The following EPB41L1 variants were observed in gnomAD, a reference collection of about 807,000 sequenced individuals.
EPB41L1 encodes the protein erythrocyte membrane protein band 4.1 like 1.
In EPB41L1, 29 loss-of-function variants were observed where a neutral mutation model predicts 97.8. The observed-to-expected ratio is 0.30, with a 90% confidence interval of 0.22 to 0.40. The LOEUF is 0.40. Among genes scored for constraint, EPB41L1 ranks in the 10% least tolerant of loss-of-function variants. The pLI is 1.00. For missense variants in EPB41L1, 812 were observed against 1,162.3 expected (o/e 0.70, Z 4.38); for synonymous variants, 383 against 459.2 (o/e 0.83, Z 2.12).
Position 36,133,782 on chromosome 20 carries a change from A to G in EPB41L1, c.-10+21302A>G, listed in dbSNP as rs184200341. 6.0e-5 allele frequency among the ~76,000 whole-genome samples: 9 copies of G among 150,778 alleles called. No homozygotes were observed. In the East Asian group the frequency reaches 1.8e-3, roughly 30 times the overall value. On this transcript the variant is annotated intron_variant, in intron 2 of 19. Coordinates refer to the EPB41L1 transcript ENST00000202028. The stretch of plus-strand genomic sequence containing the variant: ...TGAGGCGGGAGGATCGCTTGAGCCT[A>G]GGAGGTTGAGGCTTGCAGTGAGCCG...
chr20:36,214,379 T>C lies in EPB41L1; in HGVS notation c.2207T>C (p.Val736Ala), dbSNP rs766068292. 8.1e-6 allele frequency: 13 copies of C among 1,613,886 alleles called. No individual in the cohort carries two copies. Among genetic ancestry groups the C allele is most frequent in the Non-Finnish European group, 1.1e-5 (13 of 1,179,958 alleles). ...CAGCAGGTTGATGGGAGTGCCTCAG[T>C]GGGGAGGGAGTTCATAGCAACCACT... Reference protein sequence around the residue: ...NTQQVDGSASVGREFIATTPS... With the variant: ...NTQQVDGSASAGREFIATTPS... The change falls in exon 17 of 22, where the codon GTG becomes GCG. Residue 736 changes from valine to alanine, a missense_variant. This residue lies in a region of EPB41L1 where 498 missense variants were observed against 622.7 expected (regional missense o/e 0.80). Transcript: ENST00000338074.
Position 36,192,675 on chromosome 20 carries a change from T to G in EPB41L1, c.1301-1537T>G, listed in dbSNP as rs545953402. 1.5e-4 allele frequency among the ~76,000 whole-genome samples: 23 copies of G among 152,156 alleles called. No individual in the cohort carries two copies. The East Asian group carries it at 4.1e-3, about 27-fold the overall frequency. On this transcript the variant is annotated intron_variant, in intron 11 of 21. Transcript: ENST00000338074. ...AGTGTTATATGTGTGCCAGGCCTTG[T>G]GTTGGGTCCTGGGTATAGTATTTAG...
chr20:36,163,272 C>T (rs2060607626), intron 1 of EPB41L1, among the ~76,000 whole-genome samples: 1 of 151,812 alleles, frequency 6.6e-6, no homozygotes. Context: ...ACATTTTAGT[C>T]TTTGGACTTA....
At chr20:36,147,810 CA>C (rs2145399068) in intron 2 of EPB41L1, among the ~76,000 whole-genome samples, 1 of 152,268 alleles carries the variant, frequency 6.6e-6, no homozygotes, top group South Asian at 2.1e-4. Context: ...CTTCTGACTG[CA>C]AGGAATTAGA....
chr20:36,154,163 C>T (rs1005035033), upstream of EPB41L1, among the ~76,000 whole-genome samples: 3 of 152,168 alleles, frequency 2.0e-5, no homozygotes, highest in South Asian at 4.1e-4. The surrounding 1 kb of genome is among the most constrained non-coding windows in gnomAD (Gnocchi z 5.5). Flanking sequence ...AATACCTCCT[C>T]CCGGTGGGGG....
chr20:36,155,893 C>G (rs1463888190), intron 1 of EPB41L1: 2 of 249,992 alleles, frequency 8.0e-6, no homozygotes, highest in Non-Finnish European at 1.6e-5. Flanking sequence ...AGCGGCTTGG[C>G]TTCATTCCCA....
intron 2 of EPB41L1, among the ~76,000 whole-genome samples, chr20:36,115,294 C>G (rs2058549602): frequency 6.6e-6 from 1 of 152,178 alleles, no homozygotes; most frequent in South Asian, 2.1e-4. Context: ...CATCTCCAGC[C>G]TCTGTTTGGT....
At chr20:36,194,189 C>T in intron 11 of EPB41L1, 23 bp from the exon 12 acceptor site, 2 of 1,612,798 alleles carry the variant, frequency 1.2e-6, no homozygotes, top group Non-Finnish European at 8.5e-7. Context: ...ACATGGTTGC[C>T]TGGCTATCTC....
At chr20:36,144,092 ATC>A (rs2145362360) in intron 2 of EPB41L1, among the ~76,000 whole-genome samples, 1 of 152,252 alleles carries the variant, frequency 6.6e-6, no homozygotes, top group East Asian at 1.9e-4. Flanking sequence ...ACCTCAGGTG[ATC>A]TGCCCGCCTC....
At chr20:36,214,604 G>A (rs1291015607) in intron 17 of EPB41L1, among the ~76,000 whole-genome samples, 164 bp downstream of exon 17, 2 of 152,182 alleles carry the variant, frequency 1.3e-5, no homozygotes, top group Admixed American at 1.3e-4. Flanking sequence ...GGCTTTAGTT[G>A]CCACAGGACA....
chr20:36,129,824 C>T (rs932006169), intron 2 of EPB41L1, among the ~76,000 whole-genome samples: 1 of 152,078 alleles, frequency 6.6e-6, no homozygotes, highest in African/African-American at 2.4e-5. Context: ...AGTGCAGTGG[C>T]AACTCACAGG....
At chr20:36,165,013 G>A (rs185538301) in intron 1 of EPB41L1, among the ~76,000 whole-genome samples, 4 of 149,128 alleles carry the variant, frequency 2.7e-5, no homozygotes, top group African/African-American at 7.4e-5. Context: ...ACAGAATCTC[G>A]TTCTGTCACC....
In EPB41L1 at chr20:36,125,611, G is replaced by A. The variant is rs1600434753; in HGVS notation, c.-10+13131G>A. 17 of 1,509,252 alleles carry A rather than the reference G, an allele frequency of 1.1e-5. No homozygotes were observed. The East Asian group carries it at 4.2e-4, about 37-fold the overall frequency. 93.5% of individuals were successfully genotyped at this position (1,509,252 alleles called of 1,614,324 possible). A position where few individuals can be genotyped will look rare whatever the true frequency, so the allele number is the denominator to read the frequency against. ...GTGCACAGAGGCATGAAACACTTTGGAGTGGCAGGAGTTTCCTGTGTGTGT... is the reference window on the plus strand; with the variant it reads ...GTGCACAGAGGCATGAAACACTTTGAAGTGGCAGGAGTTTCCTGTGTGTGT... On this transcript the variant is annotated intron_variant, in intron 2 of 19. Coordinates refer to the EPB41L1 transcript ENST00000202028.
At chr20:36,228,731 T>G (rs538383612) in intron 21 of EPB41L1, among the ~76,000 whole-genome samples, 1 of 152,326 alleles carries the variant, frequency 6.6e-6, no homozygotes, top group East Asian at 1.9e-4. Context: ...CCAGACTTCA[T>G]TTCTTTATTT....
chr20:36,181,555 A>G (rs1302076831), intron 5 of EPB41L1, among the ~76,000 whole-genome samples: 1 of 152,186 alleles, frequency 6.6e-6, no homozygotes, highest in Non-Finnish European at 1.5e-5. Context: ...GGTCTTGTTT[A>G]TAATCCAATC....
chr20:36,147,098 T>G (rs1039767797), intron 2 of EPB41L1, among the ~76,000 whole-genome samples: 15 of 151,968 alleles, frequency 9.9e-5, no homozygotes, highest in Non-Finnish European at 1.8e-4. Context: ...CAGTGAACCA[T>G]GATCACACCA....
intron 1 of EPB41L1, among the ~76,000 whole-genome samples, chr20:36,158,935 T>C (rs1447648840): frequency 1.3e-5 from 2 of 152,218 alleles, no homozygotes; most frequent in Non-Finnish European, 2.9e-5. Flanking sequence ...CTGAGGAGCA[T>C]GACAGAACTG....
chr20:36,209,361 G>A lies in EPB41L1; in HGVS notation c.1669-127G>A, dbSNP rs1569328038. The A allele has an allele frequency of 3.2e-6, 3 of 931,690 alleles. No individual in the cohort carries two copies. In the African/African-American group the frequency reaches 5.2e-5, roughly 16 times the overall value. The allele number at this position is 931,690 out of a possible 1,614,324, so 57.7% of individuals were successfully genotyped here. A position where few individuals can be genotyped will look rare whatever the true frequency, so the allele number is the denominator to read the frequency against. On this transcript the variant is annotated intron_variant, in intron 14 of 21. Coordinates refer to ENST00000338074, the MANE Select transcript of EPB41L1 (RefSeq NM_012156.2). The surrounding 1 kb of genome is among the most constrained non-coding windows in gnomAD (Gnocchi z 4.2). The stretch of plus-strand genomic sequence containing the variant: ...TTTCCTGGGGTGTTTTTCATTTCCT[G>A]GCCTGCTCTTCCATTCAGGATGTCG...
chr20:36,181,331 C>T (rs915847868), intron 5 of EPB41L1, among the ~76,000 whole-genome samples: 3 of 152,226 alleles, frequency 2.0e-5, no homozygotes, highest in African/African-American at 4.8e-5. Context: ...CCTTCATCCC[C>T]TCTCAAGTGA....
Sources: gnomAD v4.1 joint callset for allele counts (sites outside exome capture counted in the v4.1 genomes callset) on GRCh38, gnomAD v4.1.1 for gene constraint, gnomAD v4.1.1 regional missense constraint, Gnocchi (gnomAD v3.1) non-coding constraint, MANE v1.5 for transcripts, NCBI Gene and HGNC (gene_info 2026-07-23, HGNC 2026-07-21) for gene names.